The following ANKS1B variants were observed in gnomAD, a reference collection of about 807,000 sequenced individuals.
ANKS1B encodes the protein ankyrin repeat and sterile alpha motif domain containing 1B.
A neutral mutation model predicts 148.3 loss-of-function variants in ANKS1B; 36 were observed. That is an observed-to-expected ratio of 0.24 (90% CI 0.19 to 0.32). The LOEUF is 0.32. Among genes scored for constraint, ANKS1B ranks in the 10% least tolerant of loss-of-function variants. ANKS1B has a pLI of 1.00. For synonymous variants in ANKS1B, 542 were observed against 560.8 expected, an observed-to-expected ratio of 0.97 and a Z score of 0.47; for missense variants, 1,157 against 1,542.6, an observed-to-expected ratio of 0.75 and a Z score of 4.19.
intron 8 of ANKS1B, among the ~76,000 whole-genome samples, chr12:99,768,623 C>G (rs1457290254): frequency 6.6e-6 from 1 of 151,858 alleles, no homozygotes; most frequent in Non-Finnish European, 1.5e-5. Flanking sequence ...GTCGGGAGAT[C>G]GAGACCATCG....
intron 2 of ANKS1B, among the ~76,000 whole-genome samples, chr12:99,820,547 G>A (rs1251285017): frequency 1.3e-5 from 2 of 151,964 alleles, no homozygotes; most frequent in Non-Finnish European, 2.9e-5. Flanking sequence ...TGGAAATGAT[G>A]TGTTTCTGTG....
At chr12:99,515,525 T>C (rs920914059) in intron 9 of ANKS1B, among the ~76,000 whole-genome samples, 1 of 152,190 alleles carries the variant, frequency 6.6e-6, no homozygotes, top group East Asian at 1.9e-4. Context: ...TACGGTTGAA[T>C]AGGTACTCTG....
chr12:99,054,526 T>G (rs1421712195), intron 16 of ANKS1B, among the ~76,000 whole-genome samples: 1 of 152,196 alleles, frequency 6.6e-6, no homozygotes, highest in Non-Finnish European at 1.5e-5. Flanking sequence ...TTTCAAAGTT[T>G]AAATGTTCTC....
intron 12 of ANKS1B, among the ~76,000 whole-genome samples, chr12:99,286,754 C>A (rs1173361906): frequency 1.3e-5 from 2 of 152,178 alleles, no homozygotes; most frequent in Non-Finnish European, 2.9e-5. Flanking sequence ...GAGCAAACAT[C>A]AGCAGTAACC....
chr12:99,039,581 GCTCATCTGACTCTGAGTCCAGCCT>G (rs1320757667), intron 17 of ANKS1B, among the ~76,000 whole-genome samples: 2 of 152,224 alleles, frequency 1.3e-5, no homozygotes, highest in African/African-American at 4.8e-5. Context: ...ACTGAAATTG[GCTCATCTGACTCTGAGTCCAGCCT>G]CTCATCCACT....
In ANKS1B at chr12:98,769,240, T is replaced by C. The variant is rs113549799; in HGVS notation, c.3579+3802A>G. Reference sequence around the variant, plus strand: ...GGACTGATTCATATCAAAAGAATTTTAAGCCTTCAAGACTGGACTGGTATT... The same window carrying C: ...GGACTGATTCATATCAAAAGAATTTCAAGCCTTCAAGACTGGACTGGTATT... On this transcript the variant is annotated intron_variant, in intron 25 of 26. Transcript: ENST00000683438. Among the ~76,000 whole-genome samples the C allele has an allele frequency of 3.7e-3, 530 of 143,818 alleles. 3 individuals carry two copies. Among genetic ancestry groups the C allele is most frequent in the African/African-American group, 0.013 (511 of 38,940 alleles). 94.4% of individuals were successfully genotyped at this position (143,818 alleles called of 152,430 possible). A position where few individuals can be genotyped will look rare whatever the true frequency, so the allele number is the denominator to read the frequency against.
At chr12:99,272,295 C>T (rs1480966240) in intron 12 of ANKS1B, among the ~76,000 whole-genome samples, 1 of 152,012 alleles carries the variant, frequency 6.6e-6, no homozygotes, top group African/African-American at 2.4e-5. Flanking sequence ...AGATTAAGGC[C>T]ATGTGACTAG....
At chr12:99,288,887 G>A (rs1017386905) in intron 12 of ANKS1B, among the ~76,000 whole-genome samples, 4 of 151,966 alleles carry the variant, frequency 2.6e-5, no homozygotes, top group Non-Finnish European at 5.9e-5. Flanking sequence ...TAACAAAATG[G>A]TGGTAGTAAG....
At chr12:99,432,480 G>A (rs1430292617) in intron 11 of ANKS1B, among the ~76,000 whole-genome samples, 1 of 152,166 alleles carries the variant, frequency 6.6e-6, no homozygotes, top group Non-Finnish European at 1.5e-5. Context: ...GGGAGGAAAA[G>A]AGAGGGATGG....
intron 17 of ANKS1B, among the ~76,000 whole-genome samples, chr12:99,040,934 C>A (rs2099958549): frequency 6.6e-6 from 1 of 152,154 alleles, no homozygotes; most frequent in Non-Finnish European, 1.5e-5. Context: ...CTCCGAGTCC[C>A]CAGTCTCCTC....
intron 19 of ANKS1B, among the ~76,000 whole-genome samples, chr12:98,824,513 A>G (rs2099231074): frequency 6.6e-6 from 1 of 152,224 alleles, no homozygotes. Context: ...TACAGTTTAG[A>G]ATATGCTTTC....
chr12:99,431,081 G>A (rs901908434), intron 11 of ANKS1B, among the ~76,000 whole-genome samples: 1 of 152,154 alleles, frequency 6.6e-6, no homozygotes, highest in East Asian at 1.9e-4. Context: ...TTCAATTAAT[G>A]TAAAATAAAA....
chr12:99,694,989 T>A (rs919217506), intron 8 of ANKS1B, among the ~76,000 whole-genome samples: 4 of 152,188 alleles, frequency 2.6e-5, no homozygotes, highest in Non-Finnish European at 5.9e-5. Context: ...AATGCATACT[T>A]AGAAAGCTCT....
intron 16 of ANKS1B, among the ~76,000 whole-genome samples, chr12:99,078,002 A>C (rs1213738821): frequency 6.6e-6 from 1 of 152,164 alleles, no homozygotes; most frequent in Admixed American, 6.5e-5. Context: ...TGTTTATGAA[A>C]GAAACCCACA....
intron 17 of ANKS1B, among the ~76,000 whole-genome samples, chr12:98,964,821 G>C (rs1298122696): frequency 1.3e-5 from 2 of 152,054 alleles, no homozygotes; most frequent in Non-Finnish European, 2.9e-5. Flanking sequence ...GGGTATTGAG[G>C]GTGCGGGGAA....
chr12:98,871,109 T>C (rs2099666452), intron 17 of ANKS1B, among the ~76,000 whole-genome samples: 1 of 152,234 alleles, frequency 6.6e-6, no homozygotes, highest in Non-Finnish European at 1.5e-5. Flanking sequence ...ATGACTTTAA[T>C]GGTCTACATT....
intron 15 of ANKS1B, among the ~76,000 whole-genome samples, chr12:99,140,129 G>T (rs1266016324): frequency 1.3e-5 from 2 of 152,132 alleles, no homozygotes; most frequent in Non-Finnish European, 2.9e-5. Context: ...TATAATAAGT[G>T]GGTGTCTTTG....
In ANKS1B at chr12:98,996,258, C is replaced by T. The variant is rs545085517; in HGVS notation, c.2778+56899G>A. 4.6e-4 allele frequency among the ~76,000 whole-genome samples: 70 copies of T among 152,224 alleles called. 1 individual carries two copies. The highest frequency in any genetic ancestry group is 7.5e-4 in the Non-Finnish European group (51 of 68,020). The stretch of plus-strand genomic sequence containing the variant: ...AACATTCACGAATTACTGTCATCAT[C>T]GTGAAGGGACTCTGGATGTGAATCA... On this transcript the variant is annotated intron_variant, in intron 17 of 26. Coordinates refer to ENST00000683438, the MANE Select transcript of ANKS1B (RefSeq NM_001352186.2).
chr12:99,730,012 G>A (rs1015476829), intron 8 of ANKS1B, among the ~76,000 whole-genome samples: 4 of 152,206 alleles, frequency 2.6e-5, no homozygotes, highest in African/African-American at 9.6e-5. Context: ...CTTTGTGCAT[G>A]TATGCTCACA....
Sources: allele counts gnomAD v4.1 joint callset (sites outside exome capture counted in the v4.1 genomes callset), GRCh38; gene constraint gnomAD v4.1.1; transcripts MANE v1.5; gene names NCBI Gene and HGNC (gene_info 2026-07-23, HGNC 2026-07-21).